WDR17: variants seen among roughly 807,000 people sequenced by gnomAD.
WDR17 encodes the protein WD repeat domain 17, also known as WD repeat-containing protein 17.
A neutral mutation model predicts 161.7 loss-of-function variants in WDR17; 143 were observed. The ratio of observed to expected loss-of-function variants is 0.88; its 90% CI spans 0.77 to 1.02. The LOEUF (loss-of-function observed/expected upper bound fraction) is 1.02. Among genes scored for constraint, WDR17 ranks in the 50% least tolerant of loss-of-function variants. The pLI is 0.00. For synonymous variants in WDR17, 517 were observed against 515.6 expected (o/e 1.00, Z -0.04); for missense variants, 1,469 against 1,520.9 (o/e 0.97, Z 0.57).
intron 1 of WDR17, among the ~76,000 whole-genome samples, chr4:176,084,285 G>C (rs1451950578): frequency 6.6e-6 from 1 of 152,130 alleles, no homozygotes; most frequent in Admixed American, 6.6e-5. Context: ...ACTCATGGTA[G>C]AAGGTGAAGG....
chr4:176,103,644 T>C (rs75212561), intron 1 of WDR17, among the ~76,000 whole-genome samples: 1,782 of 151,676 alleles, frequency 0.012, 19 homozygotes, highest in Non-Finnish European at 0.019. Flanking sequence ...ACAAGTAAAA[T>C]AGAAGAATTC....
intron 1 of WDR17, among the ~76,000 whole-genome samples, chr4:176,075,373 C>G (rs903398507): frequency 6.6e-6 from 1 of 151,888 alleles, no homozygotes; most frequent in Admixed American, 6.6e-5. Flanking sequence ...TTGTTTTCTT[C>G]TATTCTTCTC....
intron 23 of WDR17, among the ~76,000 whole-genome samples, chr4:176,170,246 A>G (rs1400321586): frequency 3.9e-5 from 6 of 152,034 alleles, no homozygotes; most frequent in East Asian, 3.9e-4. Context: ...AAAATTTAGT[A>G]TATGTACTAT....
At position 176,168,872 on chromosome 4, in the gene WDR17, A is replaced by G. The variant is rs1044212246; in HGVS notation, c.3102+89A>G. ...TTCAAGCAAATAGAGATGCATGCAG[A>G]GAAACAAATGTGTGGTCCCTTTGGG... On this transcript the variant is annotated intron_variant, in intron 23 of 28. Transcript: ENST00000508596. The G allele has an allele frequency of 1.1e-5, 16 of 1,448,166 alleles. No individual in the cohort carries two copies. In the African/African-American group the frequency reaches 2.1e-4, roughly 19 times the overall value. The allele number at this position is 1,448,166 out of a possible 1,614,324, so 89.7% of individuals were successfully genotyped here.
chr4:176,160,164 G>A, intron 19 of WDR17, 38 bp downstream of exon 19: 1 of 1,608,218 alleles, frequency 6.2e-7, no homozygotes, highest in Non-Finnish European at 8.5e-7. Flanking sequence ...ATACATGAAT[G>A]CTTGAGCATG....
At chr4:176,133,711 C>A (rs1054321152) in intron 7 of WDR17, among the ~76,000 whole-genome samples, 13 of 151,390 alleles carry the variant, frequency 8.6e-5, no homozygotes, top group Admixed American at 2.6e-4. Flanking sequence ...ATGTATGAAG[C>A]ATCTGCAAAG....
chr4:176,111,737 A>G (rs1335365850), intron 2 of WDR17, 34 bp downstream of exon 2: 3 of 1,498,854 alleles, frequency 2.0e-6, no homozygotes, highest in South Asian at 2.8e-5. Context: ...TTTTAATTAT[A>G]TCCGGTAAAA....
chr4:176,068,617 G>T (rs1156495969), intron 1 of WDR17, among the ~76,000 whole-genome samples: 1 of 151,472 alleles, frequency 6.6e-6, no homozygotes, highest in African/African-American at 2.4e-5. Flanking sequence ...TTAAAGAAAA[G>T]AAAAAGAAAA....
intron 4 of WDR17, among the ~76,000 whole-genome samples, chr4:176,122,639 T>G (rs991517522): frequency 4.1e-4 from 63 of 152,188 alleles, no homozygotes; most frequent in Non-Finnish European, 1.6e-4. Flanking sequence ...TTCTTACTTT[T>G]CATGAGTTGT....
intron 26 of WDR17, among the ~76,000 whole-genome samples, chr4:176,175,638 A>C (rs1579273348): frequency 6.6e-6 from 1 of 151,154 alleles, no homozygotes; most frequent in Non-Finnish European, 1.5e-5. Flanking sequence ...GCCCACTGCA[A>C]CCTCCGCCTC....
chr4:176,175,534 T>TTTTG (rs1300719580), intron 26 of WDR17, among the ~76,000 whole-genome samples: 93 of 83,980 alleles, frequency 1.1e-3, no homozygotes, highest in African/African-American at 2.9e-3. Flanking sequence ...TTAAGCAGTC[T>TTTTG]TTTATTTGTT....
Position 176,174,717 on chromosome 4 carries a change from AG to A in WDR17, c.3449+1del. On this transcript the variant is annotated frameshift_variant and splice_region_variant, in exon 26 of 29. Coordinates refer to ENST00000508596, the MANE Select transcript of WDR17 (RefSeq NM_181265.4). LOFTEE classifies it high-confidence loss of function. ...TGTTCCAGCACTTTATGAGTACACA[AG>A]GTAAAAAAGGTTTTTTCCTCCATCA... ...SIVPALYEYT[S>X]QLLKRREVSV... The A allele has an allele frequency of 1.3e-6, 2 of 1,593,790 alleles. No homozygotes were observed. Among genetic ancestry groups the A allele is most frequent in the East Asian group, 4.5e-5 (2 of 44,436 alleles).
chr4:176,086,862 T>A (rs1420539627), intron 1 of WDR17, among the ~76,000 whole-genome samples: 1 of 151,796 alleles, frequency 6.6e-6, no homozygotes, highest in East Asian at 1.9e-4. Context: ...TTAATTACAC[T>A]TTCCTTCAAT....
chr4:176,096,483 G>A (rs762155847), intron 1 of WDR17: 22 of 1,556,010 alleles, frequency 1.4e-5, no homozygotes, highest in Admixed American at 5.4e-5. Flanking sequence ...TTCTGATGCC[G>A]AGTTTCCAAT....
At chr4:176,097,577 A>G (rs1384678357) in intron 1 of WDR17, among the ~76,000 whole-genome samples, 1 of 151,924 alleles carries the variant, frequency 6.6e-6, no homozygotes, top group African/African-American at 2.4e-5. Context: ...GAAGAATAAT[A>G]CTCATATTGT....
chr4:176,135,217 C>G lies in WDR17; in HGVS notation c.1208C>G (p.Thr403Arg), dbSNP rs1362747123. 1.2e-5 allele frequency: 20 copies of G among 1,612,244 alleles called. No individual in the cohort carries two copies. Among genetic ancestry groups the G allele is most frequent in the Non-Finnish European group, 1.7e-5 (20 of 1,178,694 alleles). Residue 403 changes from threonine (T) to arginine (R), a missense_variant, in exon 8 of 29, where the codon ACA (threonine) becomes AGA (arginine). Physicochemically the swap from Thr to Arg is moderately conservative, Grantham distance 71 (BLOSUM62 -1). Transcript: ENST00000508596. ...AAAGTCTGGGATATAAACACATTAA[C>G]AGCAGTGTACACATCCCCGGGTAAT... is the stretch of plus-strand genomic sequence containing the variant. ...TIKVWDINTL[T>R]AVYTSPGNEG...
chr4:176,115,935 A>G lies in WDR17; in HGVS notation c.263A>G (p.Asn88Ser). The G allele has an allele frequency of 6.2e-7, 1 of 1,610,152 alleles. No homozygotes were observed. The highest frequency in any genetic ancestry group is 8.5e-7 in the Non-Finnish European group (1 of 1,177,926). Reference protein sequence around the residue: ...GSTDNLVIIWNVAEQKVIAKL... With the variant: ...GSTDNLVIIWSVAEQKVIAKL... ...ACTGATAATTTAGTGATCATTTGGA[A>G]TGTTGCAGAACAAAAAGTCATTGCT... is the stretch of plus-strand genomic sequence containing the variant. The change falls in exon 3 of 29, where the codon AAT (asparagine) becomes AGT (serine). Residue 88 changes from asparagine to serine, a missense_variant. Coordinates refer to ENST00000508596, the MANE Select transcript of WDR17 (RefSeq NM_181265.4).
At chr4:176,088,901 C>G (rs146890026) in intron 1 of WDR17, among the ~76,000 whole-genome samples, 1 of 151,916 alleles carries the variant, frequency 6.6e-6, no homozygotes, top group Non-Finnish European at 1.5e-5. Flanking sequence ...GTACTATATC[C>G]CAGAGATAGA....
At chr4:176,152,410 C>A (rs9991211) in intron 17 of WDR17, among the ~76,000 whole-genome samples, 6,772 of 150,352 alleles carry the variant, frequency 0.045, 459 homozygotes, top group African/African-American at 0.15. Context: ...TCCTGGCCAA[C>A]ATGGGGAAAC....
Sources: gnomAD v4.1 joint callset for allele counts (sites outside exome capture counted in the v4.1 genomes callset) on GRCh38, gnomAD v4.1.1 for gene constraint, MANE v1.5 for transcripts, NCBI Gene and HGNC (gene_info 2026-07-23, HGNC 2026-07-21) for gene names.